Variants in NRXN1 observed in about 807,000 individuals in gnomAD.
The protein encoded by NRXN1 is neurexin-1.
A neutral mutation model predicts 150.9 loss-of-function variants in NRXN1; 39 were observed. The ratio of observed to expected loss-of-function variants is 0.26; its 90% CI spans 0.20 to 0.34. NRXN1 has a LOEUF of 0.34. NRXN1 is among the 10% of genes least tolerant of loss of function. The probability of loss-of-function intolerance (pLI) is 1.00; values close to 1 mark genes in which losing one functional copy is unlikely to be tolerated. For missense variants in NRXN1, 1,815 were observed against 1,949.9 expected (o/e 0.93, Z 1.30); for synonymous variants, 924 against 757.0 (o/e 1.22, Z -3.62).
chr2:50,677,387 C>G (rs566766980), intron 5 of NRXN1, among the ~76,000 whole-genome samples: 9 of 152,068 alleles, frequency 5.9e-5, no homozygotes, highest in Non-Finnish European at 1.2e-4. Flanking sequence ...CGTGAGGATA[C>G]AAATTTCTTA....
At chr2:50,884,613 T>C (rs1679947213) in intron 5 of NRXN1, among the ~76,000 whole-genome samples, 1 of 151,630 alleles carries the variant, frequency 6.6e-6, no homozygotes, top group South Asian at 2.1e-4. Flanking sequence ...ATATGAACCA[T>C]GTTTTCCGAG....
chr2:50,426,526 C>A (rs953283303), intron 17 of NRXN1, among the ~76,000 whole-genome samples: 1 of 152,150 alleles, frequency 6.6e-6, no homozygotes, highest in African/African-American at 2.4e-5. Context: ...TACATTCACA[C>A]CTCCCAGTAC....
chr2:50,121,611 T>A (rs553055983), intron 18 of NRXN1, among the ~76,000 whole-genome samples: 1 of 152,316 alleles, frequency 6.6e-6, no homozygotes, highest in East Asian at 1.9e-4. Flanking sequence ...GAGGAACAAC[T>A]GTACCTTATA....
chr2:50,573,171 A>G (rs1235266743), intron 8 of NRXN1, among the ~76,000 whole-genome samples: 1 of 152,146 alleles, frequency 6.6e-6, no homozygotes, highest in South Asian at 2.1e-4. Flanking sequence ...GGAGTTCGAG[A>G]CCAGCCTAGG....
chr2:50,562,503 C>A (rs572956987), intron 8 of NRXN1, among the ~76,000 whole-genome samples: 7 of 151,970 alleles, frequency 4.6e-5, no homozygotes, highest in Non-Finnish European at 1.0e-4. Context: ...AAAAAAATTT[C>A]TCCAAGAGAG....
intron 17 of NRXN1, among the ~76,000 whole-genome samples, chr2:50,285,678 T>A (rs534774540): frequency 6.9e-4 from 105 of 152,280 alleles, no homozygotes; most frequent in South Asian, 2.1e-3. Flanking sequence ...GAGAAGTATA[T>A]ATTTTTTAGA....
At chr2:50,183,058 A>G (rs1032397216) in intron 18 of NRXN1, among the ~76,000 whole-genome samples, 1 of 152,108 alleles carries the variant, frequency 6.6e-6, no homozygotes, top group African/African-American at 2.4e-5. Context: ...GGCATTAAGG[A>G]TGCACATCAT....
At chr2:50,123,204 T>A (rs1039033693) in intron 18 of NRXN1, among the ~76,000 whole-genome samples, 11 of 152,002 alleles carry the variant, frequency 7.2e-5, no homozygotes, top group Admixed American at 5.2e-4. Context: ...ATAACTTCAA[T>A]AAGTGAATGA....
rs78777432 is a variant in NRXN1, at chr2:50,390,249, T to C, written c.3364+75193A>G. ...GAGGACAATGGGGTGTTACAGGAAA[T>C]AGGAGAAATTCTCATAAGGATGATT... On this transcript the variant is annotated intron_variant, in intron 17 of 22. Transcript: ENST00000401669. Among the ~76,000 whole-genome samples, 568 of 152,212 alleles carry C rather than the reference T, an allele frequency of 3.7e-3. 6 individuals are homozygous for C. The highest frequency in any genetic ancestry group is 9.1e-3 in the East Asian group (47 of 5,172).
chr2:50,382,345 T>G (rs541605718), intron 17 of NRXN1, among the ~76,000 whole-genome samples: 1 of 152,174 alleles, frequency 6.6e-6, no homozygotes, highest in Non-Finnish European at 1.5e-5. Context: ...AATATTGGAG[T>G]GTCAAGTGAG....
At chr2:50,506,885 C>T (rs1289434438) in intron 12 of NRXN1, 1 of 391,758 alleles carries the variant, frequency 2.6e-6, no homozygotes, top group Non-Finnish European at 4.7e-6. Flanking sequence ...ATCTTTAATC[C>T]TACGCATTGA....
At chr2:50,813,227 T>A (rs1256052017) in intron 5 of NRXN1, among the ~76,000 whole-genome samples, 1 of 152,174 alleles carries the variant, frequency 6.6e-6, no homozygotes, top group African/African-American at 2.4e-5. Flanking sequence ...TAAATATGCA[T>A]AATCTCATGT....
chr2:50,195,588 C>T (rs1165940830), intron 18 of NRXN1, among the ~76,000 whole-genome samples: 3 of 152,106 alleles, frequency 2.0e-5, no homozygotes, highest in Admixed American at 6.6e-5. Flanking sequence ...AAAAAATAAT[C>T]TTACAAAGAC....
chr2:50,542,827 A>C (rs528908890), intron 9 of NRXN1, among the ~76,000 whole-genome samples: 35 of 152,302 alleles, frequency 2.3e-4, no homozygotes, highest in Non-Finnish European at 4.1e-4. Flanking sequence ...ATATGAATCA[A>C]AGAACATATT....
At position 50,648,785 on chromosome 2, in the gene NRXN1, C is replaced by G. The variant is rs538157525; in HGVS notation, c.833-25170G>C. ...TCTACCCCATGCTTCTACCCCACTT[C>G]TACCCACCGTGCTGAACTGCGAAGC... On this transcript the variant is annotated intron_variant, in intron 5 of 22. Coordinates refer to ENST00000401669, the MANE Select transcript of NRXN1 (RefSeq NM_001330078.2). Among the ~76,000 whole-genome samples the G allele has an allele frequency of 2.0e-4, 30 of 152,028 alleles. No individual in the cohort carries two copies. In the East Asian group the frequency reaches 5.9e-3, roughly 30 times the overall value.
chr2:50,346,234 GC>G lies in NRXN1; in HGVS notation c.3365-109265del, dbSNP rs1049716086. Among the ~76,000 whole-genome samples, 1 of 152,102 alleles carries G rather than the reference GC, an allele frequency of 6.6e-6. No individual in the cohort carries two copies. Among genetic ancestry groups the G allele is most frequent in the Non-Finnish European group, 1.5e-5 (1 of 68,006 alleles). Reference sequence around the variant, plus strand: ...TGCGGGCTGGAATCTCTCCCTCCCCGCCCCCCGGGGCCAGGGAAGATGGGCA... The same window carrying G: ...TGCGGGCTGGAATCTCTCCCTCCCCGCCCCCGGGGCCAGGGAAGATGGGCA... On this transcript the variant is annotated intron_variant, in intron 17 of 22. Coordinates refer to ENST00000401669, the MANE Select transcript of NRXN1 (RefSeq NM_001330078.2). The surrounding 1 kb of genome is among the most constrained non-coding windows in gnomAD (Gnocchi z 5.0).
At chr2:50,308,862 C>T (rs1433263316) in intron 17 of NRXN1, among the ~76,000 whole-genome samples, 1 of 152,134 alleles carries the variant, frequency 6.6e-6, no homozygotes, top group African/African-American at 2.4e-5. Flanking sequence ...ACGATGTGAC[C>T]TTTAAATGGG....
At chr2:50,634,744 C>T (rs1340727982) in intron 5 of NRXN1, among the ~76,000 whole-genome samples, 3 of 152,058 alleles carry the variant, frequency 2.0e-5, no homozygotes, top group Non-Finnish European at 2.9e-5. Flanking sequence ...ACCATCACCG[C>T]CCCCTCAAGA....
intron 8 of NRXN1, chr2:50,615,743 C>A (rs1573802024): frequency 6.6e-6 from 1 of 152,242 alleles, no homozygotes; most frequent in East Asian, 1.9e-4. Flanking sequence ...GGTAAATGGG[C>A]AAGATGTCCT....
Sources: allele counts gnomAD v4.1 joint callset (sites outside exome capture counted in the v4.1 genomes callset), GRCh38; gene constraint gnomAD v4.1.1; non-coding constraint Gnocchi (gnomAD v3.1); transcripts MANE v1.5; gene names NCBI Gene and HGNC (gene_info 2026-07-23, HGNC 2026-07-21).